Variants in NECTIN3 observed in about 807,000 individuals in gnomAD.
The protein encoded by NECTIN3 is nectin cell adhesion molecule 3, also known as nectin-3.
Under a neutral mutation model 49.4 loss-of-function variants are expected in NECTIN3, and 8 were observed. That is an observed-to-expected ratio of 0.16 (90% confidence interval 0.10 to 0.29). The LOEUF is 0.29. NECTIN3 is among the 10% of genes least tolerant of loss of function. The pLI is 1.00. For missense variants in NECTIN3, 581 were observed against 654.6 expected, an observed-to-expected ratio of 0.89 and a Z score of 1.23; for synonymous variants, 277 against 241.1, an observed-to-expected ratio of 1.15 and a Z score of -1.38.
At chr3:111,181,905 A>G (rs1347921150) in intron 7 of NECTIN3, among the ~76,000 whole-genome samples, 1 of 149,920 alleles carries the variant, frequency 6.7e-6, no homozygotes, top group Non-Finnish European at 1.5e-5. Flanking sequence ...CTTCCTTTGG[A>G]TTTAATTTGT....
intron 6 of NECTIN3, chr3:111,147,319 A>C: frequency 9.2e-7 from 1 of 1,092,438 alleles, no homozygotes; most frequent in Non-Finnish European, 1.3e-6. Flanking sequence ...AATATTCTCA[A>C]AACTTATGAG....
chr3:111,085,331 GTC>G (rs2031863407), intron 1 of NECTIN3, among the ~76,000 whole-genome samples: 1 of 152,196 alleles, frequency 6.6e-6, no homozygotes, highest in Admixed American at 6.5e-5. Context: ...CTTGATTAAA[GTC>G]AAAGTGCCAG....
At chr3:111,123,660 C>T (rs1410594236) in intron 4 of NECTIN3, among the ~76,000 whole-genome samples, 1 of 152,128 alleles carries the variant, frequency 6.6e-6, no homozygotes, top group Non-Finnish European at 1.5e-5. Flanking sequence ...TTAACTTGCT[C>T]TTGGCCTCCT....
intron 7 of NECTIN3, among the ~76,000 whole-genome samples, chr3:111,162,425 G>T (rs2035231510): frequency 6.6e-6 from 1 of 151,982 alleles, no homozygotes; most frequent in Admixed American, 6.6e-5. Context: ...GTGTTATAAG[G>T]GGCTTTTCCC....
intron 5 of NECTIN3, 146 bp downstream of exon 5, chr3:111,126,481 G>A (rs1028584145): frequency 1.4e-5 from 10 of 695,316 alleles, no homozygotes; most frequent in Non-Finnish European, 2.3e-5. Flanking sequence ...AAAGGAATAT[G>A]ATAAAATAAT....
chr3:111,188,464 ATTGT>A (rs1445625121), upstream of NECTIN3, among the ~76,000 whole-genome samples: 1 of 152,198 alleles, frequency 6.6e-6, no homozygotes, highest in Non-Finnish European at 1.5e-5. Context: ...GCACATGAAG[ATTGT>A]TTGTAGTGTC....
chr3:111,148,888 T>C (rs1472712397), intron 7 of NECTIN3, among the ~76,000 whole-genome samples: 2 of 152,140 alleles, frequency 1.3e-5, no homozygotes, highest in Non-Finnish European at 2.9e-5. Flanking sequence ...GTCTCTTTGC[T>C]TGTATTTGTT....
At chr3:111,191,760 G>A (rs1173179153), upstream of NECTIN3, among the ~76,000 whole-genome samples, 2 of 152,134 alleles carry the variant, frequency 1.3e-5, no homozygotes, top group Non-Finnish European at 2.9e-5. Context: ...AAGACCTTCT[G>A]TGGTGAGCTC....
chr3:111,193,383 T>C, intron 1 of NECTIN3: 1 of 1,530,788 alleles, frequency 6.5e-7, no homozygotes. Context: ...TGTGTGATTT[T>C]TCTCTTTTTC....
chr3:111,110,151 A>G (rs1389023195), intron 1 of NECTIN3, among the ~76,000 whole-genome samples: 1 of 151,922 alleles, frequency 6.6e-6, no homozygotes, highest in Admixed American at 6.6e-5. Context: ...TCAAATAATA[A>G]TTATTTCTTT....
chr3:111,092,707 A>C (rs2032349404), intron 1 of NECTIN3, among the ~76,000 whole-genome samples: 2 of 152,156 alleles, frequency 1.3e-5, no homozygotes, highest in Non-Finnish European at 2.9e-5. Context: ...AGTTTTAGTC[A>C]CTGTAGTTTT....
rs1050602194 is a variant in NECTIN3 at position 111,156,200 on chromosome 3, C to T, written c.1221+8716C>T. On this transcript the variant is annotated intron_variant, in intron 7 of 8. Coordinates refer to the NECTIN3 transcript ENST00000493615. ...GTGCTTAAAGCTCTCTAAGATACTT[C>T]TCTAGTACTCTGGAAGTGTCTTAGA... Among the ~76,000 whole-genome samples, 3 of 152,262 alleles carry T rather than the reference C, an allele frequency of 2.0e-5. No homozygotes were observed. In the South Asian group the frequency reaches 6.2e-4, roughly 32 times the overall value.
chr3:111,088,684 C>A (rs1348684781), intron 1 of NECTIN3, among the ~76,000 whole-genome samples: 1 of 152,026 alleles, frequency 6.6e-6, no homozygotes, highest in African/African-American at 2.4e-5. Flanking sequence ...GGAGTAATCT[C>A]AGTTTGGTTT....
upstream of NECTIN3, among the ~76,000 whole-genome samples, chr3:111,188,921 A>G (rs2035767809): frequency 6.6e-6 from 1 of 152,220 alleles, no homozygotes; most frequent in South Asian, 2.1e-4. Flanking sequence ...TGAACTCTTG[A>G]GGCCATAAAC....
At chr3:111,127,311 A>G (rs2034202418) in intron 5 of NECTIN3, among the ~76,000 whole-genome samples, 1 of 152,104 alleles carries the variant, frequency 6.6e-6, no homozygotes, top group Admixed American at 6.5e-5. Flanking sequence ...CACGTATTAT[A>G]TTGTCTTAGA....
Position 111,135,642 on chromosome 3 carries a change from T to G in NECTIN3, c.*1427T>G. ...GGAAGTTAGTAGGAGAATCATAAAT[T>G]AAATATATTATTTTGTTAATAAAAA... On this transcript the variant is annotated 3_prime_UTR_variant, in exon 6 of 6. Transcript: ENST00000485303. The G allele has an allele frequency of 1.0e-6, 1 of 963,278 alleles. No homozygotes were observed. Among genetic ancestry groups the G allele is most frequent in the South Asian group, 4.8e-5 (1 of 20,804 alleles). 59.7% of individuals were successfully genotyped at this position (963,278 alleles called of 1,614,324 possible).
intron 1 of NECTIN3, among the ~76,000 whole-genome samples, chr3:111,098,202 C>T (rs1302379979): frequency 2.0e-5 from 3 of 152,196 alleles, no homozygotes; most frequent in African/African-American, 4.8e-5. Context: ...CAAGTCTGAA[C>T]GTCTTCCCTG....
intron 1 of NECTIN3, among the ~76,000 whole-genome samples, chr3:111,097,520 G>A (rs2032660265): frequency 6.6e-6 from 1 of 152,178 alleles, no homozygotes; most frequent in South Asian, 2.1e-4. Context: ...TGGTTTGGCT[G>A]TGTCCCCACC....
chr3:111,192,268 G>A (rs1029111487), upstream of NECTIN3: 4 of 1,225,284 alleles, frequency 3.3e-6, no homozygotes, highest in African/African-American at 4.5e-5. Context: ...GACATGATTG[G>A]CTCTTTTAAA....
Sources: gnomAD v4.1 joint callset for allele counts (sites outside exome capture counted in the v4.1 genomes callset) on GRCh38, gnomAD v4.1.1 for gene constraint, MANE v1.5 for transcripts, NCBI Gene and HGNC (gene_info 2026-07-23, HGNC 2026-07-21) for gene names.